The following VPS13B variants were observed in gnomAD, a reference collection of about 807,000 sequenced individuals.
VPS13B encodes the protein intermembrane lipid transfer protein VPS13B.
In VPS13B, 285 loss-of-function variants were observed where a neutral mutation model predicts 426.4. The observed-to-expected ratio is 0.67, with a 90% CI of 0.61 to 0.74. The LOEUF is 0.74. Among genes scored for constraint, VPS13B ranks in the 30% least tolerant of loss-of-function variants. The pLI, the probability that VPS13B is intolerant of heterozygous loss-of-function variation, is 0.00. For missense variants in VPS13B, 4,537 were observed against 4,782.6 expected (o/e 0.95, Z 1.51); for synonymous variants, 1,676 against 1,676.4 (o/e 1.00, Z 0.01).
intron 24 of VPS13B, among the ~76,000 whole-genome samples, chr8:99,478,457 T>G (rs1244210198): frequency 4.5e-4 from 59 of 129,680 alleles, no homozygotes; most frequent in East Asian, 1.3e-3. Context: ...GTTTTTTTTT[T>G]TTTTTTTTGT....
At chr8:99,619,336 G>A (rs1828251938) in intron 33 of VPS13B, among the ~76,000 whole-genome samples, 1 of 152,154 alleles carries the variant, frequency 6.6e-6, no homozygotes, top group Non-Finnish European at 1.5e-5. Flanking sequence ...AGGGGGTGCT[G>A]TGAAAAATTA....
intron 30 of VPS13B, among the ~76,000 whole-genome samples, chr8:99,531,767 C>G (rs1171822478): frequency 6.6e-6 from 1 of 151,928 alleles, no homozygotes; most frequent in Non-Finnish European, 1.5e-5. Flanking sequence ...ATACTGTGTT[C>G]AAGCTACATA....
intron 22 of VPS13B, among the ~76,000 whole-genome samples, chr8:99,441,241 GGTTT>G (rs1817662676): frequency 6.6e-6 from 1 of 152,034 alleles, no homozygotes; most frequent in Admixed American, 6.6e-5. Flanking sequence ...AAGACAAACA[GGTTT>G]GTTTATTTAT....
At chr8:99,689,443 G>A (rs1563864230) in intron 35 of VPS13B, among the ~76,000 whole-genome samples, 1 of 152,146 alleles carries the variant, frequency 6.6e-6, no homozygotes, top group Non-Finnish European at 1.5e-5. Flanking sequence ...TATTCCAAAA[G>A]TAATGATGAG....
chr8:99,062,832 G>A (rs892324860), intron 3 of VPS13B, among the ~76,000 whole-genome samples: 1 of 152,108 alleles, frequency 6.6e-6, no homozygotes, highest in African/African-American at 2.4e-5. Context: ...ATAGTTTAAG[G>A]TATTCAGATA....
chr8:99,361,355 G>T (rs921643914), intron 19 of VPS13B, among the ~76,000 whole-genome samples: 21 of 152,186 alleles, frequency 1.4e-4, no homozygotes, highest in Non-Finnish European at 2.6e-4. Context: ...AATTTTTTAG[G>T]CTTTGTGGCA....
intron 4 of VPS13B, among the ~76,000 whole-genome samples, chr8:99,098,145 GT>G (rs971070650): frequency 1.3e-5 from 2 of 152,050 alleles, no homozygotes; most frequent in African/African-American, 4.8e-5. Flanking sequence ...TGTTCACTCT[GT>G]TTTTTGTTCC....
chr8:99,048,535 C>T (rs564722915), intron 3 of VPS13B, among the ~76,000 whole-genome samples: 20 of 152,130 alleles, frequency 1.3e-4, no homozygotes, highest in African/African-American at 4.6e-4. Context: ...GAGCTCTAGG[C>T]TGGGTGAGGT....
At chr8:99,575,921 A>G in intron 32 of VPS13B, 137 bp downstream of exon 32, 1 of 847,906 alleles carries the variant, frequency 1.2e-6, no homozygotes, top group Non-Finnish European at 1.9e-6. Flanking sequence ...CATAGCTAAC[A>G]TTTATGGAGC....
At position 99,320,705 on chromosome 8, in the gene VPS13B, A is replaced by G. The variant is rs186988579; in HGVS notation, c.2824+45451A>G. ...TGTTTTATAGAATGGTGAACCTTAC[A>G]AGTATTTTATCCCAAATAGATGTTT... is the stretch of plus-strand genomic sequence containing the variant. On this transcript the variant is annotated intron_variant, in intron 19 of 61. Transcript: ENST00000357162. Among the ~76,000 whole-genome samples the G allele has an allele frequency of 4.6e-4, 70 of 152,320 alleles. 1 individual carries two copies. Among genetic ancestry groups the G allele is most frequent in the African/African-American group, 1.6e-3 (68 of 41,588 alleles).
At chr8:99,737,946 C>A (rs1436834447) in intron 39 of VPS13B, among the ~76,000 whole-genome samples, 1 of 152,206 alleles carries the variant, frequency 6.6e-6, no homozygotes, top group Non-Finnish European at 1.5e-5. Context: ...TTTTAACTAT[C>A]TGAAGGAAAT....
At chr8:99,840,770 CT>C (rs1293614376) in intron 54 of VPS13B, among the ~76,000 whole-genome samples, 21 of 152,258 alleles carry the variant, frequency 1.4e-4, no homozygotes, top group African/African-American at 5.1e-4. Context: ...CAGAGGTAAC[CT>C]TGAACACTAA....
intron 2 of VPS13B, among the ~76,000 whole-genome samples, chr8:99,021,418 C>T (rs902653255): frequency 3.3e-5 from 5 of 152,002 alleles, no homozygotes; most frequent in Non-Finnish European, 5.9e-5. Context: ...GTCAGGAGTT[C>T]GAGACCAGCC....
At chr8:99,021,351 G>A (rs1339747547) in intron 2 of VPS13B, among the ~76,000 whole-genome samples, 2 of 152,132 alleles carry the variant, frequency 1.3e-5, no homozygotes, top group Non-Finnish European at 2.9e-5. Flanking sequence ...GGCTGGGCAC[G>A]GTGGCTCATG....
intron 43 of VPS13B, among the ~76,000 whole-genome samples, chr8:99,795,042 A>T (rs993608665): frequency 1.3e-5 from 2 of 152,166 alleles, no homozygotes; most frequent in Non-Finnish European, 2.9e-5. Flanking sequence ...TTTTAGCATC[A>T]TTTGCATCTG....
intron 36 of VPS13B, among the ~76,000 whole-genome samples, chr8:99,709,047 A>G (rs1357290280): frequency 1.3e-5 from 2 of 152,034 alleles, no homozygotes; most frequent in Non-Finnish European, 2.9e-5. Context: ...GGAAGACTTT[A>G]TTTTTGAGGG....
At chr8:99,799,029 G>A (rs1812999206) in intron 43 of VPS13B, 1 of 152,148 alleles carries the variant, frequency 6.6e-6, no homozygotes, top group South Asian at 2.1e-4. Context: ...TGTAACAAAA[G>A]CATTAACTCA....
intron 23 of VPS13B, among the ~76,000 whole-genome samples, chr8:99,464,917 C>G (rs1169966692): frequency 6.6e-6 from 1 of 152,104 alleles, no homozygotes; most frequent in Non-Finnish European, 1.5e-5. Flanking sequence ...GTAACAAATT[C>G]ACATACAAAG....
At chr8:99,654,865 A>G (rs959060255) in intron 34 of VPS13B, among the ~76,000 whole-genome samples, 1 of 152,100 alleles carries the variant, frequency 6.6e-6, no homozygotes, top group African/African-American at 2.4e-5. Context: ...AAGCCAAAAA[A>G]AAAAAAAACT....
Sources: allele counts gnomAD v4.1 joint callset (sites outside exome capture counted in the v4.1 genomes callset), GRCh38; gene constraint gnomAD v4.1.1; transcripts MANE v1.5; gene names NCBI Gene and HGNC (gene_info 2026-07-23, HGNC 2026-07-21).